The following SUCLG1 variants were observed in gnomAD, a reference collection of about 807,000 sequenced individuals.
SUCLG1 encodes the protein succinate--CoA ligase [ADP/GDP-forming] subunit alpha, mitochondrial.
Under a neutral mutation model 37.3 loss-of-function variants are expected in SUCLG1, and 26 were observed. That is an observed-to-expected ratio of 0.70 (90% CI 0.51 to 0.97). SUCLG1 has a LOEUF of 0.97. Among genes scored for constraint, SUCLG1 ranks in the 50% least tolerant of loss-of-function variants. SUCLG1 has a pLI of 0.00. For synonymous variants in SUCLG1, 163 were observed against 155.6 expected, an observed-to-expected ratio of 1.05 and a Z score of -0.36; for missense variants, 433 against 432.9, an observed-to-expected ratio of 1.00 and a Z score of 0.00.
intron 2 of SUCLG1, 65 bp downstream of exon 2, chr2:84,449,583 TA>T (rs565130052): frequency 1.2e-5 from 13 of 1,114,916 alleles, no homozygotes; most frequent in Non-Finnish European, 1.4e-5. Context: ...ATATTAAAAA[TA>T]AAAAAATAGT....
chr2:84,430,369 C>T (rs969893135), intron 7 of SUCLG1, among the ~76,000 whole-genome samples: 7 of 152,140 alleles, frequency 4.6e-5, no homozygotes, highest in African/African-American at 1.7e-4. Flanking sequence ...TAAGCATTCC[C>T]AAGGTCATAT....
Position 84,441,107 on chromosome 2 carries a change from G to A in SUCLG1, c.532-3C>T. 6.2e-7 allele frequency: 1 copy of A among 1,613,934 alleles called. No homozygotes were observed. The highest frequency in any genetic ancestry group is 1.6e-4 in the Middle Eastern group (1 of 6,062). ...ATGCCAATTTTACATTCTCCAGGCTGAAAGTAATCATAGTTTTCAGAAATG... is the reference window on the plus strand; with the variant it reads ...ATGCCAATTTTACATTCTCCAGGCTAAAAGTAATCATAGTTTTCAGAAATG... On this transcript the variant is annotated splice_polypyrimidine_tract_variant and splice_region_variant and intron_variant, in intron 4 of 8. Coordinates refer to ENST00000393868, the MANE Select transcript of SUCLG1 (RefSeq NM_003849.4).
intron 5 of SUCLG1, 97 bp from the exon 6 acceptor site, chr2:84,433,532 G>A (rs1161041282): frequency 6.2e-6 from 6 of 960,344 alleles, no homozygotes; most frequent in African/African-American, 1.6e-5. Context: ...GACTAACATA[G>A]GTATAAAATT....
intron 6 of SUCLG1, 58 bp from the exon 7 acceptor site, chr2:84,431,717 G>A (rs1672617023): frequency 6.3e-7 from 1 of 1,581,946 alleles, no homozygotes; most frequent in Non-Finnish European, 8.7e-7. Context: ...ATGGAATTTA[G>A]GTCAATAAAT....
intron 8 of SUCLG1, 110 bp from the exon 9 acceptor site, chr2:84,423,882 T>C: frequency 1.7e-6 from 2 of 1,160,170 alleles, no homozygotes; most frequent in Non-Finnish European, 2.5e-6. Context: ...TAGGATCCCC[T>C]GAACAATCAA....
chr2:84,429,799 G>T (rs78316549), intron 7 of SUCLG1, among the ~76,000 whole-genome samples: 2,545 of 152,306 alleles, frequency 0.017, 33 homozygotes, highest in Non-Finnish European at 0.024. Context: ...CAGAAGGGCA[G>T]ATAATTTGGG....
At chr2:84,429,126 ATT>A (rs1264475690) in intron 7 of SUCLG1, among the ~76,000 whole-genome samples, 1 of 152,228 alleles carries the variant, frequency 6.6e-6, no homozygotes, top group Non-Finnish European at 1.5e-5. Context: ...TACACTAGGC[ATT>A]TTATATAATG....
At position 84,438,919 on chromosome 2, in the gene SUCLG1, G is replaced by A. The variant is rs182768146; in HGVS notation, c.589+2128C>T. Among the ~76,000 whole-genome samples, 8 of 152,320 alleles carry A rather than the reference G, an allele frequency of 5.3e-5. No homozygotes were observed. In the East Asian group the frequency reaches 1.4e-3, roughly 26 times the overall value. ...GGTTTGTAAAATGGACCAATCAGCA[G>A]GACACGGGCAGGGGACAAATAAGGG... is the stretch of plus-strand genomic sequence containing the variant. On this transcript the variant is annotated intron_variant, in intron 5 of 8. Transcript: ENST00000393868.
At position 84,443,413 on chromosome 2, in the gene SUCLG1, A is replaced by C. The variant is rs1057491340; in HGVS notation, c.202-13T>G. ...TGTGAAAGGTGCCCTGAGGGGAAAA[A>C]GCACAAGATCCATGAGAAACAGCAG... On this transcript the variant is annotated splice_polypyrimidine_tract_variant and intron_variant, in intron 2 of 8. Transcript: ENST00000393868. 1.2e-6 allele frequency: 2 copies of C among 1,612,484 alleles called. No individual in the cohort carries two copies. The highest frequency in any genetic ancestry group is 2.7e-5 in the African/African-American group (2 of 74,922).
chr2:84,452,547 A>G (rs1672956225), intron 1 of SUCLG1, among the ~76,000 whole-genome samples: 1 of 152,242 alleles, frequency 6.6e-6, no homozygotes, highest in African/African-American at 2.4e-5. Context: ...ATCTGAGATT[A>G]AGAAGAATAG....
chr2:84,440,124 C>T (rs1316908162), intron 5 of SUCLG1, among the ~76,000 whole-genome samples: 1 of 152,152 alleles, frequency 6.6e-6, no homozygotes. Flanking sequence ...CCTGTAATCC[C>T]AGCACTTTGA....
chr2:84,426,947 T>C (rs890031842), intron 7 of SUCLG1: 1 of 153,160 alleles, frequency 6.5e-6, no homozygotes, highest in Non-Finnish European at 1.5e-5. Context: ...ATATGTATTA[T>C]ATCTAATGAT....
intron 2 of SUCLG1, chr2:84,448,988 A>T (rs935354135): frequency 5.2e-6 from 2 of 381,132 alleles, no homozygotes; most frequent in Non-Finnish European, 1.1e-5. Context: ...GAAGATTCTT[A>T]TGTGGCATTT....
At chr2:84,451,468 AC>A (rs1278642886) in intron 1 of SUCLG1, among the ~76,000 whole-genome samples, 2 of 152,170 alleles carry the variant, frequency 1.3e-5, no homozygotes, top group Non-Finnish European at 2.9e-5. Context: ...CAGACAATTC[AC>A]TTCTCCTTCC....
chr2:84,459,116 G>A, intron 1 of SUCLG1, 57 bp downstream of exon 1: 2 of 1,504,028 alleles, frequency 1.3e-6, no homozygotes, highest in Non-Finnish European at 9.0e-7. Flanking sequence ...CAGGAGGTTG[G>A]GTCCGGCGGG....
chr2:84,458,719 C>G (rs942891207), intron 1 of SUCLG1, among the ~76,000 whole-genome samples: 1 of 152,150 alleles, frequency 6.6e-6, no homozygotes, highest in Non-Finnish European at 1.5e-5. Context: ...CAGGACCTTT[C>G]CGTACTAGGG....
intron 5 of SUCLG1, among the ~76,000 whole-genome samples, chr2:84,435,390 C>T (rs182980552): frequency 6.6e-6 from 1 of 152,266 alleles, no homozygotes; most frequent in African/African-American, 2.4e-5. Context: ...TATATCTTCC[C>T]TACCACTGTG....
chr2:84,439,083 T>C (rs1672730777), intron 5 of SUCLG1, among the ~76,000 whole-genome samples: 1 of 151,662 alleles, frequency 6.6e-6, no homozygotes. Context: ...TTAAGAGCTG[T>C]AACACTCACT....
At chr2:84,446,404 A>G (rs1318579443) in intron 2 of SUCLG1, among the ~76,000 whole-genome samples, 2 of 152,184 alleles carry the variant, frequency 1.3e-5, no homozygotes, top group Non-Finnish European at 2.9e-5. Flanking sequence ...GAACGAATCT[A>G]TGTGATCATT....
Sources: gnomAD v4.1 joint callset for allele counts (sites outside exome capture counted in the v4.1 genomes callset) on GRCh38, gnomAD v4.1.1 for gene constraint, MANE v1.5 for transcripts, NCBI Gene and HGNC (gene_info 2026-07-23, HGNC 2026-07-21) for gene names.